The following BBS9 variants were observed in gnomAD, a reference collection of about 807,000 sequenced individuals.
BBS9 encodes Bardet-Biedl syndrome 9.
Under a neutral mutation model 117.7 loss-of-function variants are expected in BBS9, and 89 were observed. The observed-to-expected ratio is 0.76, with a 90% CI of 0.64 to 0.90. The LOEUF is 0.90. Among genes scored for constraint, BBS9 ranks in the 40% least tolerant of loss-of-function variants. The probability of loss-of-function intolerance (pLI) is 0.00; values close to 1 mark genes in which losing one functional copy is unlikely to be tolerated. For synonymous variants in BBS9, 379 were observed against 370.9 expected (o/e 1.02, Z -0.25); for missense variants, 982 against 1,042.2 (o/e 0.94, Z 0.80).
intron 9 of BBS9, among the ~76,000 whole-genome samples, chr7:33,333,516 A>C (rs184460831): frequency 6.6e-6 from 1 of 152,288 alleles, no homozygotes; most frequent in African/African-American, 2.4e-5. Flanking sequence ...TCTCAAAAGA[A>C]GATTTTTTTT....
At chr7:33,519,989 G>A (rs899389337) in intron 20 of BBS9, among the ~76,000 whole-genome samples, 1 of 151,564 alleles carries the variant, frequency 6.6e-6, no homozygotes, top group East Asian at 1.9e-4. Flanking sequence ...AAGATTCTCA[G>A]CACATAAGAG....
chr7:33,513,925 C>G (rs976236700), intron 20 of BBS9, among the ~76,000 whole-genome samples: 1 of 152,088 alleles, frequency 6.6e-6, no homozygotes, highest in East Asian at 1.9e-4. Flanking sequence ...TGAGAGTCCT[C>G]TAGGAAAATG....
chr7:33,431,160 AC>A (rs1834394924), intron 19 of BBS9, among the ~76,000 whole-genome samples: 1 of 151,856 alleles, frequency 6.6e-6, no homozygotes, highest in African/African-American at 2.4e-5. Flanking sequence ...ATGCCACTGC[AC>A]ATTCCAACCA....
At chr7:33,580,975 T>C (rs1428109289) in intron 21 of BBS9, among the ~76,000 whole-genome samples, 1 of 152,134 alleles carries the variant, frequency 6.6e-6, no homozygotes, top group African/African-American at 2.4e-5. Flanking sequence ...CATTGGTAAG[T>C]ATCCATACCA....
At chr7:33,144,011 A>G (rs1292571748) in intron 1 of BBS9, among the ~76,000 whole-genome samples, 2 of 152,094 alleles carry the variant, frequency 1.3e-5, no homozygotes, top group East Asian at 3.9e-4. Flanking sequence ...TATGACTTGC[A>G]CATATTTTTT....
chr7:33,390,157 C>A, intron 19 of BBS9: 1 of 628,898 alleles, frequency 1.6e-6, no homozygotes, highest in Non-Finnish European at 2.0e-6. Context: ...ATTCTGGGGT[C>A]TACCGTCATC....
chr7:33,415,142 AG>A (rs1488393362), intron 19 of BBS9, among the ~76,000 whole-genome samples: 3 of 152,276 alleles, frequency 2.0e-5, no homozygotes, highest in East Asian at 3.9e-4. Flanking sequence ...GTAGGAGGAA[AG>A]GATGCAAAGT....
rs538470220 is a variant in BBS9, at chr7:33,152,676, C to CT, written c.113-14dup. 11,387 of 1,198,580 alleles carry CT rather than the reference C, an allele frequency of 9.5e-3. 29 individuals are homozygous for CT. Among genetic ancestry groups the CT allele is most frequent in the South Asian group, 0.046 (3,068 of 67,166 alleles). 74.2% of individuals were successfully genotyped at this position (1,198,580 alleles called of 1,614,324 possible). On this transcript the variant is annotated intron_variant, in intron 2 of 22. Coordinates refer to ENST00000242067, the MANE Select transcript of BBS9 (RefSeq NM_198428.3). The stretch of plus-strand genomic sequence containing the variant: ...TGCTAATGTTTGTTTCTCCCTCTAT[C>CT]TTTTTTTTTTTAAATTCTCTACAGA...
Position 33,565,781 on chromosome 7 carries a change from GTATATATATATATA to G in BBS9, c.2521+31638_2521+31651del, listed in dbSNP as rs70989957. Among the ~76,000 whole-genome samples the G allele has an allele frequency of 6.9e-3, 456 of 65,618 alleles. 6 individuals carry two copies. The highest frequency in any genetic ancestry group is 0.017 in the African/African-American group (338 of 19,718). 43.0% of individuals were successfully genotyped at this position (65,618 alleles called of 152,430 possible). A position where few individuals can be genotyped will look rare whatever the true frequency, so the allele number is the denominator to read the frequency against. ...ATACAAAACATTAAGGCTATCAGTA[GTATATATATATATA>G]TATATATATATATATATATATATAT... is the stretch of plus-strand genomic sequence containing the variant. On this transcript the variant is annotated intron_variant, in intron 21 of 22. Coordinates refer to ENST00000242067, the MANE Select transcript of BBS9 (RefSeq NM_198428.3).
chr7:33,468,401 A>G (rs1020947655), intron 19 of BBS9, among the ~76,000 whole-genome samples: 4 of 152,166 alleles, frequency 2.6e-5, no homozygotes, highest in African/African-American at 9.6e-5. Flanking sequence ...TTTTATTAAT[A>G]TAGAATAATT....
At position 33,146,267 on chromosome 7, in the gene BBS9, A is replaced by T. The variant is rs1182260212; in HGVS notation, c.15A>T (p.Lys5Asn). 1 of 1,613,398 alleles carries T rather than the reference A, an allele frequency of 6.2e-7. No homozygotes were observed. Among genetic ancestry groups the T allele is most frequent in the Admixed American group, 1.7e-5 (1 of 60,022 alleles). The change falls in exon 2 of 23, where the codon AAA (lysine) becomes AAT (asparagine). Residue 5 changes from lysine to asparagine, a missense_variant. Lys to Asn is a moderately conservative substitution (Grantham distance 94). Coordinates refer to ENST00000242067, the MANE Select transcript of BBS9 (RefSeq NM_198428.3). Reference sequence around the variant, plus strand: ...TGTGAAAGAAAATGTCTTTATTTAAAGCCCGTGATTGGTGGTCTACTATTC... The same window carrying T: ...TGTGAAAGAAAATGTCTTTATTTAATGCCCGTGATTGGTGGTCTACTATTC... The part of the protein sequence containing the change: MSLF[K>N]ARDWWSTILG...
At chr7:33,216,175 A>G (rs558765089) in intron 5 of BBS9, among the ~76,000 whole-genome samples, 14 of 152,350 alleles carry the variant, frequency 9.2e-5, no homozygotes, top group African/African-American at 3.1e-4. Context: ...TAAATATACA[A>G]TGTCATAATG....
At chr7:33,332,502 C>T (rs1324974604) in intron 9 of BBS9, among the ~76,000 whole-genome samples, 1 of 152,156 alleles carries the variant, frequency 6.6e-6, no homozygotes. Flanking sequence ...AATGGCAAAA[C>T]CCCGTCTGTA....
At chr7:33,539,311 G>A (rs897258201) in intron 21 of BBS9, among the ~76,000 whole-genome samples, 4 of 152,150 alleles carry the variant, frequency 2.6e-5, no homozygotes, top group African/African-American at 4.8e-5. Context: ...CCAGACAATA[G>A]TGGCTCAGAG....
At chr7:33,238,171 A>G (rs967838191) in intron 5 of BBS9, among the ~76,000 whole-genome samples, 9 of 152,238 alleles carry the variant, frequency 5.9e-5, no homozygotes. Context: ...GGTTCAATAT[A>G]CATGTTTGAA....
At chr7:33,634,946 G>A (rs548602356) in intron 21 of BBS9, among the ~76,000 whole-genome samples, 5 of 152,184 alleles carry the variant, frequency 3.3e-5, no homozygotes, top group Admixed American at 6.5e-5. Context: ...TCAGAGGTGC[G>A]GGTGCCTGTC....
chr7:33,530,862 A>G (rs1038687379), intron 20 of BBS9, among the ~76,000 whole-genome samples: 1 of 152,182 alleles, frequency 6.6e-6, no homozygotes, highest in African/African-American at 2.4e-5. Flanking sequence ...AAATGGGCCA[A>G]TAGAGTGAAA....
chr7:33,349,491 G>T (rs1275730740), intron 13 of BBS9, among the ~76,000 whole-genome samples: 3 of 152,204 alleles, frequency 2.0e-5, no homozygotes, highest in Admixed American at 6.5e-5. Flanking sequence ...CTGGAGTGCA[G>T]TGGCACCATC....
chr7:33,394,029 T>C lies in BBS9; in HGVS notation c.2115+5885T>C, dbSNP rs147561036. On this transcript the variant is annotated intron_variant, in intron 19 of 22. Transcript: ENST00000242067. ...CATAGTGTCTACTACTGCATCATAC[T>C]CCACTAGGAACATACAACAAGCACC... is the stretch of plus-strand genomic sequence containing the variant. Among the ~76,000 whole-genome samples the C allele has an allele frequency of 1.3e-3, 200 of 152,186 alleles. 1 individual carries two copies. The highest frequency in any genetic ancestry group is 4.5e-3 in the African/African-American group (188 of 41,520).
Sources: allele counts gnomAD v4.1 joint callset (sites outside exome capture counted in the v4.1 genomes callset), GRCh38; gene constraint gnomAD v4.1.1; transcripts MANE v1.5; gene names NCBI Gene and HGNC (gene_info 2026-07-23, HGNC 2026-07-21).